Variants in NRG4 observed in about 807,000 individuals in gnomAD.
NRG4 encodes the protein pro-neuregulin-4, membrane-bound isoform.
NRG4 carries 10 observed loss-of-function variants against 15.0 expected under a neutral mutation model. The ratio of observed to expected loss-of-function variants is 0.67; its 90% CI spans 0.41 to 1.13. The LOEUF (loss-of-function observed/expected upper bound fraction) is 1.13, where lower values mean the gene tolerates loss of function less well. Ranked by LOEUF, NRG4 falls within the 50% of genes most tolerant of loss-of-function variation. NRG4 has a pLI of 0.00. For missense variants in NRG4, 139 were observed against 140.2 expected (o/e 0.99, Z 0.04); for synonymous variants, 41 against 50.1 (o/e 0.82, Z 0.77).
At chr15:75,978,314 C>T (rs973983689) in intron 3 of NRG4, among the ~76,000 whole-genome samples, 7 of 152,134 alleles carry the variant, frequency 4.6e-5, no homozygotes, top group Admixed American at 3.3e-4. Flanking sequence ...TCTTCTCATG[C>T]GTAGATTATT....
chr15:76,035,080 T>C (rs569735492), intron 5 of NRG4, among the ~76,000 whole-genome samples: 7 of 152,360 alleles, frequency 4.6e-5, no homozygotes, highest in African/African-American at 1.7e-4. Context: ...TCCTCTCATC[T>C]TTCTCTGTTA....
At chr15:76,007,539 C>T (rs2034651823) in intron 3 of NRG4, among the ~76,000 whole-genome samples, 1 of 151,110 alleles carries the variant, frequency 6.6e-6, no homozygotes, top group South Asian at 2.1e-4. Context: ...ATGCCATTCT[C>T]CTGCCTCAGC....
intron 5 of NRG4, among the ~76,000 whole-genome samples, chr15:76,023,900 C>T (rs939583621): frequency 6.6e-6 from 1 of 152,224 alleles, no homozygotes; most frequent in Admixed American, 6.5e-5. Flanking sequence ...GCTGCACACT[C>T]TCCCCTAAGC....
chr15:76,052,475 G>A (rs554906521), intron 3 of NRG4, among the ~76,000 whole-genome samples: 1 of 151,196 alleles, frequency 6.6e-6, no homozygotes, highest in Admixed American at 6.6e-5. Context: ...GTGGTGAGGA[G>A]CCACTTCATA....
chr15:75,985,679 TTTC>T (rs1190686779), intron 3 of NRG4, among the ~76,000 whole-genome samples: 1 of 152,214 alleles, frequency 6.6e-6, no homozygotes, highest in Non-Finnish European at 1.5e-5. Flanking sequence ...CAAGGAGGCC[TTTC>T]TAAGGATAGC....
chr15:76,011,075 T>C (rs2034792928), intron 2 of NRG4, 146 bp downstream of exon 2: 2 of 675,444 alleles, frequency 3.0e-6, no homozygotes, highest in Admixed American at 3.8e-5. Context: ...AAATATTTCA[T>C]ATTTGAAATA....
chr15:75,972,012 A>G (rs1274420980), intron 3 of NRG4, among the ~76,000 whole-genome samples: 3 of 152,166 alleles, frequency 2.0e-5, no homozygotes, highest in African/African-American at 7.2e-5. Context: ...CTATTTCTCC[A>G]TATCTTCTCC....
At position 76,023,183 on chromosome 15, in the gene NRG4, C is replaced by CACACACACAA. The variant is rs67858639; in HGVS notation, c.-56-11898_-56-11897insTTGTGTGTGT. Among the ~76,000 whole-genome samples, 205 of 112,542 alleles carry CACACACACAA rather than the reference C, an allele frequency of 1.8e-3. 2 individuals are homozygous for CACACACACAA. Among genetic ancestry groups the CACACACACAA allele is most frequent in the East Asian group, 4.2e-3 (18 of 4,284 alleles). The allele number at this position is 112,542 out of a possible 152,430, so 73.8% of individuals were successfully genotyped here. On this transcript the variant is annotated intron_variant, in intron 5 of 8. Coordinates refer to the NRG4 transcript ENST00000563910. ...ACACACACACACACACACACACACA[C>CACACACACAA]AAGCAAGGACCAAGGCAATGAATAA...
chr15:75,980,383 A>ATTTTTTTTTTTTTTTTTTT (rs5813815), intron 3 of NRG4, among the ~76,000 whole-genome samples: 1 of 142,294 alleles, frequency 7.0e-6, no homozygotes, highest in Non-Finnish European at 1.5e-5. Flanking sequence ...TTCTTTGGGG[A>ATTTTTTTTTTTTTTTTTTT]TTTTTTTTTT....
rs773623772 is a variant in NRG4 at position 75,941,972 on chromosome 15, CTTTTT to C, written c.*1661_*1665del. ...AAAAAAAAAAAAAAATATGGCCTAG[CTTTTT>C]TTTTTTTTTTTAAAAAGGGCAGGGG... On this transcript the variant is annotated 3_prime_UTR_variant, in exon 6 of 6. Coordinates refer to ENST00000394907, the MANE Select transcript of NRG4 (RefSeq NM_138573.4). 1 of 107,558 alleles carries C rather than the reference CTTTTT, an allele frequency of 9.3e-6. No individual in the cohort carries two copies. Among genetic ancestry groups the C allele is most frequent in the Non-Finnish European group, 2.0e-5 (1 of 51,202 alleles). The allele number at this position is 107,558 out of a possible 1,614,324, so 6.7% of individuals were successfully genotyped here. A position where few individuals can be genotyped will look rare whatever the true frequency, so the allele number is the denominator to read the frequency against.
chr15:76,017,020 G>A (rs1344997814), upstream of NRG4, among the ~76,000 whole-genome samples: 2 of 152,050 alleles, frequency 1.3e-5, no homozygotes, highest in East Asian at 1.9e-4. Flanking sequence ...TGTATTGGGT[G>A]CATATATATT....
intron 5 of NRG4, among the ~76,000 whole-genome samples, chr15:75,953,288 C>A (rs1481745520): frequency 6.6e-6 from 1 of 152,158 alleles, no homozygotes; most frequent in Non-Finnish European, 1.5e-5. Flanking sequence ...TTACCCCCCA[C>A]TGAATTGTCT....
intron 4 of NRG4, chr15:75,959,224 G>A (rs1446771315): frequency 3.8e-6 from 1 of 263,726 alleles, no homozygotes; most frequent in Non-Finnish European, 7.8e-6. Context: ...CTGGTCTCAA[G>A]TAGTCCTCCC....
At chr15:75,953,342 T>C (rs908670445) in intron 5 of NRG4, among the ~76,000 whole-genome samples, 22 of 152,226 alleles carry the variant, frequency 1.4e-4, no homozygotes, top group African/African-American at 4.8e-4. Flanking sequence ...TAAGAAGGTA[T>C]GTCTGAACTC....
At chr15:76,025,132 GAT>G (rs2035271943) in intron 5 of NRG4, among the ~76,000 whole-genome samples, 1 of 152,184 alleles carries the variant, frequency 6.6e-6, no homozygotes, top group Non-Finnish European at 1.5e-5. Context: ...AACTCAGTGA[GAT>G]ATAAGAGAAT....
intron 3 of NRG4, among the ~76,000 whole-genome samples, chr15:75,995,942 G>C (rs1317285028): frequency 6.6e-6 from 1 of 152,106 alleles, no homozygotes; most frequent in African/African-American, 2.4e-5. Context: ...CTCTCTTGTG[G>C]AAATAAATGC....
intron 4 of NRG4, among the ~76,000 whole-genome samples, chr15:76,041,112 A>G (rs1301813527): frequency 1.3e-5 from 2 of 152,204 alleles, no homozygotes; most frequent in Non-Finnish European, 2.9e-5. Context: ...ATGGGTTATA[A>G]GATAGTATTT....
intron 3 of NRG4, chr15:75,969,083 A>G (rs540929162): frequency 2.5e-6 from 1 of 407,696 alleles, no homozygotes; most frequent in Admixed American, 2.7e-5. Flanking sequence ...CAGACACTCA[A>G]TTAAACCACA....
In NRG4 at chr15:76,021,784, A is replaced by G. The variant is rs191592115; in HGVS notation, c.-56-10498T>C. Among the ~76,000 whole-genome samples, 7 of 152,328 alleles carry G rather than the reference A, an allele frequency of 4.6e-5. No homozygotes were observed. The East Asian group carries it at 1.2e-3, about 25-fold the overall frequency. On this transcript the variant is annotated intron_variant, in intron 5 of 8. Coordinates refer to the NRG4 transcript ENST00000563910. ...TGCACCATGCAAATAAGCAACCTTT[A>G]GGACCATGTGATTCCAAAGTAGAAA...
Sources: gnomAD v4.1 joint callset for allele counts (sites outside exome capture counted in the v4.1 genomes callset) on GRCh38, gnomAD v4.1.1 for gene constraint, MANE v1.5 for transcripts, NCBI Gene and HGNC (gene_info 2026-07-23, HGNC 2026-07-21) for gene names.